USP15: variants seen among roughly 807,000 people sequenced by gnomAD.
The protein encoded by USP15 is ubiquitin specific peptidase 15.
A neutral mutation model predicts 127.1 loss-of-function variants in USP15; 18 were observed. The observed-to-expected ratio is 0.14, with a 90% CI of 0.10 to 0.21. The LOEUF is 0.21. Among genes scored for constraint, USP15 ranks in the 10% least tolerant of loss-of-function variants. USP15 has a pLI of 1.00. For synonymous variants in USP15, 364 were observed against 393.7 expected, an observed-to-expected ratio of 0.92 and a Z score of 0.89; for missense variants, 805 against 1,159.9, an observed-to-expected ratio of 0.69 and a Z score of 4.44.
At chr12:62,260,826 G>A (rs2063028727) in intron 1 of USP15, among the ~76,000 whole-genome samples, 1 of 152,102 alleles carries the variant, frequency 6.6e-6, no homozygotes, top group African/African-American at 2.4e-5. Flanking sequence ...ATAGGTTATA[G>A]TGGTTTGGTT....
intron 11 of USP15, among the ~76,000 whole-genome samples, chr12:62,387,634 CAAGTT>C (rs1414338157): frequency 4.0e-5 from 6 of 151,754 alleles, no homozygotes; most frequent in African/African-American, 1.2e-4. Flanking sequence ...ACCTTGGAAA[CAAGTT>C]AAATAAAGAG....
intron 8 of USP15, 147 bp from the exon 9 acceptor site, chr12:62,381,343 A>C (rs2066983976): frequency 1.7e-6 from 1 of 576,816 alleles, no homozygotes; most frequent in Non-Finnish European, 2.8e-6. Context: ...TTGAGTGTTT[A>C]TTTGACCAGT....
intron 1 of USP15, among the ~76,000 whole-genome samples, chr12:62,282,201 G>C (rs1215103758): frequency 2.6e-5 from 4 of 152,004 alleles, no homozygotes; most frequent in Non-Finnish European, 4.4e-5. Flanking sequence ...TGTGGCACAT[G>C]CCTGTAGTCC....
At chr12:62,402,658 G>A (rs1565920187) in intron 21 of USP15, among the ~76,000 whole-genome samples, 1 of 152,016 alleles carries the variant, frequency 6.6e-6, no homozygotes, top group Admixed American at 6.6e-5. Flanking sequence ...GCTCTTAAAG[G>A]GACATGGGGA....
Position 62,375,351 on chromosome 12 carries a change from G to A in USP15, c.916-6139G>A, listed in dbSNP as rs181214925. ...GGCTGCATTTGAATTATAACAGAGT[G>A]CAATTCAGATCTCATTTTAGTCAAG... On this transcript the variant is annotated intron_variant, in intron 8 of 21. Transcript: ENST00000280377. 6.6e-5 allele frequency among the ~76,000 whole-genome samples: 10 copies of A among 152,204 alleles called. No individual in the cohort carries two copies. In the East Asian group the frequency reaches 1.7e-3, roughly 26 times the overall value.
At chr12:62,389,537 G>T (rs1413920689) in intron 12 of USP15, 23 bp downstream of exon 12, 1 of 1,612,480 alleles carries the variant, frequency 6.2e-7, no homozygotes, top group African/African-American at 1.3e-5. Flanking sequence ...TGGGGTTGAA[G>T]TATATAAGTT....
rs2067982418 is a variant in USP15, at chr12:62,409,382, G to A, written c.*5007G>A. ...TGATATTTTTTTTTCCTAGAAATGTGTAGCAAATGTGATTTTACAAAGCAG... is the reference window on the plus strand; with the variant it reads ...TGATATTTTTTTTTCCTAGAAATGTATAGCAAATGTGATTTTACAAAGCAG... On this transcript the variant is annotated 3_prime_UTR_variant, in exon 22 of 22. Coordinates refer to ENST00000280377, the MANE Select transcript of USP15 (RefSeq NM_001252078.2). 2 of 152,102 alleles carry A rather than the reference G, an allele frequency of 1.3e-5. No homozygotes were observed. Among genetic ancestry groups the A allele is most frequent in the Admixed American group, 1.3e-4 (2 of 15,264 alleles). The allele number at this position is 152,102 out of a possible 1,614,324, so 9.4% of individuals were successfully genotyped here. A position where few individuals can be genotyped will look rare whatever the true frequency, so the allele number is the denominator to read the frequency against.
chr12:62,319,675 A>G (rs1464740177), intron 4 of USP15, among the ~76,000 whole-genome samples: 2 of 152,132 alleles, frequency 1.3e-5, no homozygotes, highest in African/African-American at 2.4e-5. Flanking sequence ...ATGTTCCCCC[A>G]TATGTAAATT....
intron 16 of USP15, 40 bp from the exon 17 acceptor site, chr12:62,391,776 C>T (rs2067332266): frequency 2.1e-6 from 3 of 1,457,292 alleles, no homozygotes; most frequent in Admixed American, 3.9e-5. Context: ...AATACTAAGA[C>T]ATATTAAATT....
At chr12:62,320,995 A>C (rs1052325017) in intron 4 of USP15, among the ~76,000 whole-genome samples, 1 of 152,136 alleles carries the variant, frequency 6.6e-6, no homozygotes, top group South Asian at 2.1e-4. Context: ...TTTCTTTTTT[A>C]TTGTGTCCAT....
intron 1 of USP15, among the ~76,000 whole-genome samples, chr12:62,283,986 C>CTTTAT (rs1269786302): frequency 1.3e-5 from 2 of 152,000 alleles, no homozygotes; most frequent in African/African-American, 4.8e-5. Flanking sequence ...CAACTACAAG[C>CTTTAT]AGTTATAGAA....
Position 62,302,905 on chromosome 12 carries a change from G to A in USP15, c.333G>A (p.Glu111=), listed in dbSNP as rs764296298. ...GGTACACATTGATGGAAGGTCAAGA[G>A]CCAATAGCACGAAAGGTACATTTTA... is the stretch of plus-strand genomic sequence containing the variant. ...VSWYTLMEGQ[E]PIARKVVEQG... is the part of the protein sequence containing the mutation. The change falls in exon 3 of 22, where the codon GAG becomes GAA. Residue 111 remains glutamate, a synonymous_variant. Coordinates refer to ENST00000280377, the MANE Select transcript of USP15 (RefSeq NM_001252078.2). 4 of 1,611,926 alleles carry A rather than the reference G, an allele frequency of 2.5e-6. No homozygotes were observed. The highest frequency in any genetic ancestry group is 3.4e-6 in the Non-Finnish European group (4 of 1,178,578).
At chr12:62,378,588 A>G (rs2066902032) in intron 8 of USP15, among the ~76,000 whole-genome samples, 1 of 152,108 alleles carries the variant, frequency 6.6e-6, no homozygotes, top group South Asian at 2.1e-4. Context: ...TGAAACCAGC[A>G]TGTATCACTG....
In USP15 at chr12:62,344,519, AGTGCAAGCTGTCAGTAGAT is replaced by A. The variant is rs2137398001; in HGVS notation, c.684-4701_684-4683del. 2.0e-5 allele frequency among the ~76,000 whole-genome samples: 3 copies of A among 152,304 alleles called. No individual in the cohort carries two copies. The South Asian group carries it at 6.2e-4, about 32-fold the overall frequency. On this transcript the variant is annotated intron_variant, in intron 6 of 21. Coordinates refer to ENST00000280377, the MANE Select transcript of USP15 (RefSeq NM_001252078.2). The stretch of plus-strand genomic sequence containing the variant: ...TTGTCTGCAGCTTTTCCAGGTGCAC[AGTGCAAGCTGTCAGTAGAT>A]CTACCATTCTGGGGTCTGGAGGACA...
chr12:62,389,947 T>A lies in USP15; in HGVS notation c.1803T>A (p.Asn601Lys). ...TTCTTATGGCTGTACCACGAAACAA[T>A]ACTGAAGACAAACTTTATAATCTCC... is the stretch of plus-strand genomic sequence containing the variant. ...QPFLMAVPRN[N>K]TEDKLYNLLL... Residue 601 changes from asparagine to lysine, a missense_variant, in exon 14 of 22, where the codon AAT (asparagine) becomes AAA (lysine). This residue lies in a region of USP15 where 225 missense variants were observed against 239.5 expected (regional missense o/e 0.94). Coordinates refer to ENST00000280377, the MANE Select transcript of USP15 (RefSeq NM_001252078.2). The A allele has an allele frequency of 1.9e-6, 3 of 1,612,606 alleles. No individual in the cohort carries two copies. The highest frequency in any genetic ancestry group is 2.5e-6 in the Non-Finnish European group (3 of 1,179,306).
intron 1 of USP15, among the ~76,000 whole-genome samples, chr12:62,287,988 A>G (rs73135272): frequency 0.08 from 12,196 of 152,272 alleles, 596 homozygotes; most frequent in Middle Eastern, 0.16. Context: ...TTTGGTTACT[A>G]TAACCTTGCA....
chr12:62,305,728 T>C (rs959092225), intron 3 of USP15: 1 of 152,200 alleles, frequency 6.6e-6, no homozygotes, highest in African/African-American at 2.4e-5. Context: ...TAAGTTAAGA[T>C]AATATTCTCT....
chr12:62,277,425 A>G (rs1287555119), intron 1 of USP15: 1 of 152,176 alleles, frequency 6.6e-6, no homozygotes, highest in Non-Finnish European at 1.5e-5. Context: ...GGCAGTTTTA[A>G]TATAATGTTA....
chr12:62,404,062 A>T (rs2067785833), intron 21 of USP15, 131 bp from the exon 22 acceptor site: 2 of 738,310 alleles, frequency 2.7e-6, no homozygotes, highest in Non-Finnish European at 3.6e-6. Context: ...AGTAACTTCC[A>T]TTTGACCATG....
Sources: gnomAD v4.1 joint callset for allele counts (sites outside exome capture counted in the v4.1 genomes callset) on GRCh38, gnomAD v4.1.1 for gene constraint, gnomAD v4.1.1 regional missense constraint, MANE v1.5 for transcripts, NCBI Gene and HGNC (gene_info 2026-07-23, HGNC 2026-07-21) for gene names.